The following ZNF215 variants were observed in gnomAD, a reference collection of about 807,000 sequenced individuals.
ZNF215 encodes BWSCR2-associated zinc finger protein 2.
Under a neutral mutation model 27.2 loss-of-function variants are expected in ZNF215, and 24 were observed. The ratio of observed to expected loss-of-function variants is 0.88; its 90% CI spans 0.64 to 1.24. ZNF215 has a LOEUF of 1.24. Among genes scored for constraint, ZNF215 ranks in the 50% most tolerant of loss-of-function variants. The pLI is 0.00. For synonymous variants in ZNF215, 210 were observed against 204.0 expected (o/e 1.03, Z -0.25); for missense variants, 675 against 605.7 (o/e 1.11, Z -1.20).
downstream of ZNF215, chr11:6,958,177 A>G: frequency 1.6e-6 from 1 of 609,814 alleles, no homozygotes; most frequent in Non-Finnish European, 2.1e-6. Context: ...AGCACTCTGA[A>G]TGTAAAAAAT....
intron 5 of ZNF215, among the ~76,000 whole-genome samples, chr11:6,973,312 T>C (rs1256081587): frequency 6.6e-6 from 1 of 152,222 alleles, no homozygotes; most frequent in East Asian, 1.9e-4. Flanking sequence ...GGCATTTGGA[T>C]TGGTTCCAAG....
downstream of ZNF215, among the ~76,000 whole-genome samples, chr11:6,961,838 A>G (rs1223026566): frequency 1.3e-5 from 2 of 152,050 alleles, no homozygotes; most frequent in Non-Finnish European, 2.9e-5. Context: ...CTTGTCCTTT[A>G]CCTGCACTTT....
intron 2 of ZNF215, among the ~76,000 whole-genome samples, chr11:6,928,128 A>G (rs965747461): frequency 2.6e-5 from 4 of 152,298 alleles, no homozygotes; most frequent in East Asian, 3.9e-4. Context: ...CTAGTAATAA[A>G]TATGGTTTCC....
In ZNF215 at chr11:6,956,293, A is replaced by G. The variant is rs34593659; in HGVS notation, c.1316A>G (p.Lys439Arg). The change falls in exon 7 of 7, where the codon AAA becomes AGA. Residue 439 changes from lysine to arginine, a missense_variant. By Grantham distance (26) the Lys-to-Arg change is conservative. Transcript: ENST00000278319. ...GAAGCAAAGGCCTGCACAAGCAATA[A>G]ATGTGGAAAGGCCTTCAGTAAAAGT... ...HAEAKACTSNKCGKAFSKSED... is the reference protein window; with the variant it reads ...HAEAKACTSNRCGKAFSKSED... 1 of 1,614,086 alleles carries G rather than the reference A, an allele frequency of 6.2e-7. No homozygotes were observed. Among genetic ancestry groups the G allele is most frequent in the African/African-American group, 1.3e-5 (1 of 74,942 alleles).
chr11:6,993,252 A>G (rs1851138073), downstream of ZNF215, among the ~76,000 whole-genome samples: 1 of 152,076 alleles, frequency 6.6e-6, no homozygotes, highest in Non-Finnish European at 1.5e-5. Flanking sequence ...CTCTCTTCTC[A>G]CTGTACTCTG....
In ZNF215 at chr11:6,941,656, G is replaced by C; in HGVS notation, c.483+3G>C. ...GCTCACGAACAGGCAAACCACAGGT[G>C]AATTAGGATTCTAGTCTTTACTGAA... On this transcript the variant is annotated splice_donor_region_variant and intron_variant, in intron 4 of 6. Coordinates refer to ENST00000278319, the MANE Select transcript of ZNF215 (RefSeq NM_013250.4). The C allele has an allele frequency of 1.2e-6, 2 of 1,613,784 alleles. No homozygotes were observed. Among genetic ancestry groups the C allele is most frequent in the South Asian group, 2.2e-5 (2 of 91,050 alleles).
In ZNF215 at chr11:6,955,971, C is replaced by G. The variant is rs1590071941; in HGVS notation, c.994C>G (p.Pro332Ala). 1.2e-6 allele frequency: 2 copies of G among 1,612,990 alleles called. No homozygotes were observed. ...GGGAATTCCTTCAAGAAAGGGGTCT[C>G]CAAAATGTGATAAGTTTAAAACTTA... ...QVGIPSRKGS[P>A]KCDKFKTYFK... is the part of the protein sequence containing the mutation. Residue 332 changes from proline (P) to alanine (A), a missense_variant, in exon 7 of 7, where the codon CCA (proline) becomes GCA (alanine). Transcript: ENST00000278319.
rs372864191 is a variant in ZNF215, at chr11:6,943,583, G to T, written c.654G>T (p.Leu218Phe). The T allele has an allele frequency of 2.0e-5, 32 of 1,613,840 alleles. No individual in the cohort carries two copies. Among genetic ancestry groups the T allele is most frequent in the Non-Finnish European group, 1.8e-5 (21 of 1,179,984 alleles). Residue 218 changes from leucine (L) to phenylalanine (F), a missense_variant, in exon 6 of 7, where the codon TTG becomes TTT. Transcript: ENST00000278319. ...LLSKPFESLK[L>F]ESKKKRWIME... is the part of the protein sequence containing the mutation. ...CCAAACCATTTGAGAGCCTTAAGTTGGAGAGTAAGAAAAAAAGATGGATAA... is the reference window on the plus strand; with the variant it reads ...CCAAACCATTTGAGAGCCTTAAGTTTGAGAGTAAGAAAAAAAGATGGATAA...
At chr11:6,977,161 C>T (rs1442007763) in intron 5 of ZNF215, among the ~76,000 whole-genome samples, 10 of 152,034 alleles carry the variant, frequency 6.6e-5, no homozygotes, top group Admixed American at 5.9e-4. Flanking sequence ...CCCCCTTTTC[C>T]ATGGTTTCAC....
intron 6 of ZNF215, among the ~76,000 whole-genome samples, chr11:6,948,394 C>T (rs879531678): frequency 2.6e-5 from 4 of 152,028 alleles, no homozygotes; most frequent in South Asian, 2.1e-4. Flanking sequence ...ACTGGTGAGG[C>T]GGAGACAGGA....
At chr11:6,935,729 G>A (rs569186202) in intron 3 of ZNF215, among the ~76,000 whole-genome samples, 2 of 152,078 alleles carry the variant, frequency 1.3e-5, no homozygotes, top group Admixed American at 1.3e-4. Flanking sequence ...TATACAGAGC[G>A]TTCTACCCAA....
chr11:6,935,634 T>G (rs985399367), intron 3 of ZNF215, among the ~76,000 whole-genome samples: 1 of 152,160 alleles, frequency 6.6e-6, no homozygotes, highest in Non-Finnish European at 1.5e-5. Context: ...TTCACTCCAC[T>G]TTTATTAACA....
rs1269084329 is a variant in ZNF215, at chr11:6,956,885, A to G, written c.*354A>G. On this transcript the variant is annotated 3_prime_UTR_variant, in exon 7 of 7. Transcript: ENST00000278319. ...CTGATTTATTGACGAAGTAGACATT[A>G]GGCAAAGCCAAACAATACTCTTGGA... is the stretch of plus-strand genomic sequence containing the variant. 1 of 1,006,246 alleles carries G rather than the reference A, an allele frequency of 9.9e-7. No individual in the cohort carries two copies. The highest frequency in any genetic ancestry group is 1.2e-6 in the Non-Finnish European group (1 of 843,004). 62.3% of individuals were successfully genotyped at this position (1,006,246 alleles called of 1,614,324 possible).
chr11:6,971,650 T>C (rs183504560), intron 5 of ZNF215, among the ~76,000 whole-genome samples: 5 of 152,260 alleles, frequency 3.3e-5, no homozygotes, highest in East Asian at 1.9e-4. Context: ...GTGAGAATTA[T>C]TAGATTTTTC....
intron 4 of ZNF215, among the ~76,000 whole-genome samples, chr11:6,942,330 T>C (rs1039019794): frequency 5.3e-5 from 8 of 152,092 alleles, no homozygotes; most frequent in Admixed American, 6.6e-5. Context: ...AGTGGAATAA[T>C]TGATGGTGTG....
chr11:6,945,734 A>G (rs916742734), intron 6 of ZNF215, among the ~76,000 whole-genome samples: 1 of 152,182 alleles, frequency 6.6e-6, no homozygotes, highest in African/African-American at 2.4e-5. Flanking sequence ...TTCTCTAGCT[A>G]TCTGATAAAT....
At chr11:6,994,215 A>G (rs1851152481) in intron 6 of ZNF215, among the ~76,000 whole-genome samples, 1 of 150,608 alleles carries the variant, frequency 6.6e-6, no homozygotes, top group Non-Finnish European at 1.5e-5. Flanking sequence ...TATTAATACC[A>G]TTTAATACTA....
chr11:6,948,660 A>G (rs1406569984), intron 6 of ZNF215, among the ~76,000 whole-genome samples: 1 of 152,200 alleles, frequency 6.6e-6, no homozygotes, highest in Non-Finnish European at 1.5e-5. Flanking sequence ...CGAAGCTGAC[A>G]TGATTTGGTC....
chr11:6,981,821 A>G (rs575847852), intron 5 of ZNF215, among the ~76,000 whole-genome samples: 1,607 of 151,950 alleles, frequency 0.011, 30 homozygotes, highest in African/African-American at 0.035. Context: ...TCAGCTTTCT[A>G]CATATGGCTA....
Sources: allele counts gnomAD v4.1 joint callset (sites outside exome capture counted in the v4.1 genomes callset), GRCh38; gene constraint gnomAD v4.1.1; transcripts MANE v1.5; gene names NCBI Gene and HGNC (gene_info 2026-07-23, HGNC 2026-07-21).